Variants in C4orf17 observed in about 807,000 individuals in gnomAD.
C4orf17 encodes the protein chromosome 4 open reading frame 17, also known as uncharacterized protein C4orf17.
In C4orf17, 25 loss-of-function variants were observed where a neutral mutation model predicts 32.0. That is an observed-to-expected ratio of 0.78 (90% CI 0.57 to 1.09). C4orf17 has a LOEUF of 1.09. C4orf17 is among the 50% of genes least tolerant of loss of function. The pLI, the probability that C4orf17 is intolerant of heterozygous loss-of-function variation, is 0.00. For missense variants in C4orf17, 420 were observed against 420.0 expected, an observed-to-expected ratio of 1.00 and a Z score of 0.00; for synonymous variants, 149 against 145.8, an observed-to-expected ratio of 1.02 and a Z score of -0.16.
intron 4 of C4orf17, among the ~76,000 whole-genome samples, chr4:99,526,736 T>C (rs1331684034): frequency 6.6e-6 from 1 of 151,780 alleles, no homozygotes; most frequent in African/African-American, 2.4e-5. Context: ...TTGCAAAGAA[T>C]ATGTCCATTT....
At chr4:99,536,467 G>C (rs1284056678) in intron 5 of C4orf17, among the ~76,000 whole-genome samples, 1 of 152,206 alleles carries the variant, frequency 6.6e-6, no homozygotes, top group Non-Finnish European at 1.5e-5. Flanking sequence ...AGGAGGAATG[G>C]ACCAGGATCC....
intron 2 of C4orf17, among the ~76,000 whole-genome samples, chr4:99,518,530 TATATATATATATATAGAGAGAG>T (rs1723229169): frequency 1.5e-5 from 1 of 68,320 alleles, no homozygotes; most frequent in African/African-American, 8.4e-5. Flanking sequence ...TATATATATA[TATATATATATATATAGAGAGAG>T]AGAGAGAGAG....
chr4:99,529,827 G>A lies in C4orf17; in HGVS notation c.415G>A (p.Ala139Thr). Residue 139 changes from alanine (A) to threonine (T), a missense_variant, in exon 5 of 9, where the codon GCC (alanine) becomes ACC (threonine). Transcript: ENST00000326581. ...PLVIKKEEIK[A>T]KRPPSPPKAC... ...ACTTTTGATTTAGGAAGAAATTAAGGCCAAAAGACCACCATCACCTCCAAA... is the reference window on the plus strand; with the variant it reads ...ACTTTTGATTTAGGAAGAAATTAAGACCAAAAGACCACCATCACCTCCAAA... The A allele has an allele frequency of 6.2e-7, 1 of 1,608,494 alleles. No individual in the cohort carries two copies. Among genetic ancestry groups the A allele is most frequent in the South Asian group, 1.1e-5 (1 of 89,976 alleles).
Position 99,539,249 on chromosome 4 carries a change from C to A in C4orf17, c.715C>A (p.Pro239Thr), listed in dbSNP as rs1723614017. 6.2e-7 allele frequency: 1 copy of A among 1,613,918 alleles called. No homozygotes were observed. The highest frequency in any genetic ancestry group is 8.5e-7 in the Non-Finnish European group (1 of 1,179,948). ...THHRRNTSME[P>T]AAETGKPPTV... ...TCACAGAAGAAACACCTCAATGGAACCAGCAGCAGAGACTGGGAAGCCACC... is the reference window on the plus strand; with the variant it reads ...TCACAGAAGAAACACCTCAATGGAAACAGCAGCAGAGACTGGGAAGCCACC... Residue 239 changes from proline (P) to threonine (T), a missense_variant, in exon 7 of 9, where the codon CCA becomes ACA. Pro to Thr is a conservative substitution (Grantham distance 38). Coordinates refer to ENST00000326581, the MANE Select transcript of C4orf17 (RefSeq NM_032149.3).
chr4:99,515,295 C>T (rs765066289), intron 2 of C4orf17, among the ~76,000 whole-genome samples: 1 of 152,128 alleles, frequency 6.6e-6, no homozygotes, highest in Non-Finnish European at 1.5e-5. Flanking sequence ...TGGACTCAAC[C>T]TAAGTGCCCA....
rs1274841885 is a variant in C4orf17, at chr4:99,542,076, A to G, written c.1047A>G (p.Gln349=). The G allele has an allele frequency of 1.9e-6, 3 of 1,613,964 alleles. No individual in the cohort carries two copies. In the African/African-American group the frequency reaches 4.0e-5, roughly 22 times the overall value. ...TACAAGAATACAACCTCTGTCCCCA[A>G]AGAGCATGTTATCCTTCAACACACC... The part of the protein sequence containing the change: ...RSIQEYNLCP[Q]RACYPSTHRR The change falls in exon 9 of 9, where the codon CAA becomes CAG. Residue 349 remains glutamine, a synonymous_variant. Transcript: ENST00000326581.
chr4:99,514,540 A>G (rs1451534570), intron 2 of C4orf17, among the ~76,000 whole-genome samples: 1 of 152,216 alleles, frequency 6.6e-6, no homozygotes, highest in Non-Finnish European at 1.5e-5. Context: ...AATGCAAATT[A>G]AAACAACAAT....
rs764136685 is a variant in C4orf17 at position 99,539,312 on chromosome 4, A to G, written c.778A>G (p.Asn260Asp). The change falls in exon 7 of 9, where the codon AAT (asparagine) becomes GAT (aspartate). Residue 260 changes from asparagine to aspartate, a missense_variant. Transcript: ENST00000326581. ...KSPPTVKLPP[N>D]FTAKSKVLTR... Reference sequence around the variant, plus strand: ...ACCACCCACAGTTAAATTGCCCCCAAATTTTACTGCAAAATCAAAAGTGCT... The same window carrying G: ...ACCACCCACAGTTAAATTGCCCCCAGATTTTACTGCAAAATCAAAAGTGCT... 11 of 1,614,056 alleles carry G rather than the reference A, an allele frequency of 6.8e-6. No homozygotes were observed. The highest frequency in any genetic ancestry group is 5.0e-5 in the Admixed American group (3 of 60,014).
intron 3 of C4orf17, among the ~76,000 whole-genome samples, chr4:99,523,579 CT>C (rs1723333418): frequency 6.6e-6 from 1 of 152,138 alleles, no homozygotes; most frequent in Non-Finnish European, 1.5e-5. Context: ...TCTTGTGTCC[CT>C]TTTTATACTG....
intron 2 of C4orf17, among the ~76,000 whole-genome samples, chr4:99,518,565 AGAGAGAGAGAGAGAGAGAGGGAGG>A (rs1723232988): frequency 1.5e-5 from 2 of 129,642 alleles, no homozygotes; most frequent in African/African-American, 6.2e-5. Context: ...AGAGAGAGAG[AGAGAGAGAGAGAGAGAGAGGGAGG>A]GAGACAGAGA....
intron 5 of C4orf17, chr4:99,536,077 G>C (rs994242907): frequency 2.5e-6 from 1 of 397,692 alleles, no homozygotes; most frequent in African/African-American, 2.1e-5. Flanking sequence ...GACAGCAAAG[G>C]TGTCTGCCTG....
chr4:99,516,215 GA>G (rs1386449473), intron 2 of C4orf17, among the ~76,000 whole-genome samples: 1 of 152,074 alleles, frequency 6.6e-6, no homozygotes, highest in Non-Finnish European at 1.5e-5. Context: ...TCTGAGGGAG[GA>G]AAAAAATGTC....
intron 2 of C4orf17, among the ~76,000 whole-genome samples, chr4:99,517,117 C>T (rs1336104399): frequency 6.6e-6 from 1 of 152,206 alleles, no homozygotes; most frequent in Non-Finnish European, 1.5e-5. Context: ...CTCCTAGTGG[C>T]AACATAGCTA....
At chr4:99,537,809 A>G in intron 6 of C4orf17, 59 bp downstream of exon 6, 1 of 1,180,588 alleles carries the variant, frequency 8.5e-7, no homozygotes, top group Admixed American at 1.7e-5. Flanking sequence ...GAAACTGGGA[A>G]TATGCCAATA....
chr4:99,525,746 G>A (rs572377474), intron 4 of C4orf17, among the ~76,000 whole-genome samples: 2 of 151,696 alleles, frequency 1.3e-5, no homozygotes, highest in South Asian at 2.1e-4. Flanking sequence ...GCAGTGAGCC[G>A]AGATGGTGCC....
In C4orf17 at chr4:99,542,204, C is replaced by A. The variant is rs558691965; in HGVS notation, c.*95C>A. ...ATGAATATTTTTGGTATTGAGGAAT[C>A]AAGTGGTCCTCTTTATGGTGGCACA... On this transcript the variant is annotated 3_prime_UTR_variant, in exon 9 of 9. Transcript: ENST00000326581. 1.9e-6 allele frequency: 2 copies of A among 1,069,896 alleles called. No homozygotes were observed. Among genetic ancestry groups the A allele is most frequent in the South Asian group, 2.7e-5 (2 of 73,282 alleles). 66.3% of individuals were successfully genotyped at this position (1,069,896 alleles called of 1,614,324 possible).
intron 6 of C4orf17, 56 bp from the exon 7 acceptor site, chr4:99,539,106 TC>T (rs1723610468): frequency 6.8e-7 from 1 of 1,468,938 alleles, no homozygotes; most frequent in South Asian, 1.1e-5. Context: ...TGTGTTTCTA[TC>T]CAACATGATA....
intron 8 of C4orf17, chr4:99,541,106 C>A (rs1243574228): frequency 6.6e-6 from 1 of 152,168 alleles, no homozygotes; most frequent in East Asian, 1.9e-4. Context: ...AAGCTTTATA[C>A]AAAAATGTGT....
At chr4:99,530,482 T>C (rs936667722) in intron 5 of C4orf17, among the ~76,000 whole-genome samples, 2 of 152,158 alleles carry the variant, frequency 1.3e-5, no homozygotes, top group Non-Finnish European at 2.9e-5. Context: ...CTGAGAATGA[T>C]ATAAAATCAA....
Sources: allele counts gnomAD v4.1 joint callset (sites outside exome capture counted in the v4.1 genomes callset), GRCh38; gene constraint gnomAD v4.1.1; transcripts MANE v1.5; gene names NCBI Gene and HGNC (gene_info 2026-07-23, HGNC 2026-07-21).